RGS21: variants seen among roughly 807,000 people sequenced by gnomAD.
The protein encoded by RGS21 is regulator of G protein signaling 21.
A neutral mutation model predicts 18.7 loss-of-function variants in RGS21; 19 were observed. That is an observed-to-expected ratio of 1.01 (90% CI 0.71 to 1.49). The LOEUF (loss-of-function observed/expected upper bound fraction) is 1.49. Among genes scored for constraint, RGS21 ranks in the 40% most tolerant of loss-of-function variants. The probability of loss-of-function intolerance (pLI) is 0.00; values close to 1 mark genes in which losing one functional copy is unlikely to be tolerated. For missense variants in RGS21, 194 were observed against 176.8 expected, an observed-to-expected ratio of 1.10 and a Z score of -0.55; for synonymous variants, 56 against 57.8, an observed-to-expected ratio of 0.97 and a Z score of 0.14.
intron 1 of RGS21, among the ~76,000 whole-genome samples, chr1:192,333,092 G>A (rs1254903405): frequency 6.6e-6 from 1 of 152,026 alleles, no homozygotes. Flanking sequence ...AGCTGTTAGG[G>A]AATTAAAATT....
intron 4 of RGS21, among the ~76,000 whole-genome samples, chr1:192,356,649 TA>T (rs746377070): frequency 1.3e-5 from 2 of 151,778 alleles, no homozygotes; most frequent in Non-Finnish European, 3.0e-5. Flanking sequence ...AAGAAACAGA[TA>T]TATGAGTTGT....
chr1:192,344,687 C>A lies in RGS21; in HGVS notation c.11+1640C>A, dbSNP rs78090456. On this transcript the variant is annotated intron_variant, in intron 2 of 4. Transcript: ENST00000417209. ...ATTACTCCTTAAAATAGTTACACTTCACCTAATTTCTGAAAAGTAAATGCT... is the reference window on the plus strand; with the variant it reads ...ATTACTCCTTAAAATAGTTACACTTAACCTAATTTCTGAAAAGTAAATGCT... 3.5e-4 allele frequency among the ~76,000 whole-genome samples: 54 copies of A among 152,226 alleles called. No individual in the cohort carries two copies. In the East Asian group the frequency reaches 0.01, roughly 29 times the overall value.
chr1:192,362,921 A>G (rs1013624338), intron 4 of RGS21, among the ~76,000 whole-genome samples: 6 of 152,140 alleles, frequency 3.9e-5, no homozygotes, highest in Non-Finnish European at 8.8e-5. Context: ...CAAAATGTAA[A>G]TATCATCTTA....
intron 4 of RGS21, among the ~76,000 whole-genome samples, chr1:192,356,843 AGT>A (rs1459056115): frequency 6.6e-6 from 1 of 151,792 alleles, no homozygotes; most frequent in African/African-American, 2.4e-5. Context: ...GTTAGCCAAC[AGT>A]GCTCCCCCAA....
At chr1:192,354,981 A>G (rs545499946) in intron 4 of RGS21, among the ~76,000 whole-genome samples, 1 of 151,848 alleles carries the variant, frequency 6.6e-6, no homozygotes, top group South Asian at 2.1e-4. Flanking sequence ...GAAAGACTAT[A>G]TATTGAACTT....
rs572232632 is a variant in RGS21, at chr1:192,330,330, A to G, written c.-60-12647A>G. Among the ~76,000 whole-genome samples, 115 of 152,350 alleles carry G rather than the reference A, an allele frequency of 7.5e-4. 2 individuals are homozygous for G. Among genetic ancestry groups the G allele is most frequent in the African/African-American group, 2.6e-3 (107 of 41,600 alleles). On this transcript the variant is annotated intron_variant, in intron 1 of 4. Transcript: ENST00000417209. ...CAACTAAAGACGGTGAGGTTAAATCAATTCCAGAGGGAGTTTGAAATATGG... is the reference window on the plus strand; with the variant it reads ...CAACTAAAGACGGTGAGGTTAAATCGATTCCAGAGGGAGTTTGAAATATGG...
intron 2 of RGS21, among the ~76,000 whole-genome samples, chr1:192,346,549 T>A (rs565404196): frequency 1.3e-5 from 2 of 152,228 alleles, no homozygotes; most frequent in African/African-American, 4.8e-5. Context: ...TTCATCAGGA[T>A]CTTTGTTTAT....
chr1:192,321,869 T>A (rs1658502750), intron 1 of RGS21, among the ~76,000 whole-genome samples: 1 of 151,908 alleles, frequency 6.6e-6, no homozygotes, highest in African/African-American at 2.4e-5. Flanking sequence ...AATTGAAAAC[T>A]TTGACTAAAA....
chr1:192,346,520 T>C (rs1658946242), intron 2 of RGS21, among the ~76,000 whole-genome samples: 2 of 152,128 alleles, frequency 1.3e-5, no homozygotes, highest in African/African-American at 2.4e-5. Context: ...GCAGATGCTT[T>C]CTATGAATAG....
At chr1:192,337,929 A>G (rs1658797610) in intron 1 of RGS21, among the ~76,000 whole-genome samples, 1 of 152,160 alleles carries the variant, frequency 6.6e-6, no homozygotes, top group Non-Finnish European at 1.5e-5. Context: ...GAAATCTTGA[A>G]CTTCTAAATA....
chr1:192,360,241 A>G (rs1659169186), intron 4 of RGS21, among the ~76,000 whole-genome samples: 1 of 151,684 alleles, frequency 6.6e-6, no homozygotes, highest in South Asian at 2.1e-4. Flanking sequence ...GTTAATAACT[A>G]CTCTGTTCTT....
intron 3 of RGS21, among the ~76,000 whole-genome samples, chr1:192,347,662 A>AT (rs1279971399): frequency 6.6e-6 from 1 of 151,898 alleles, no homozygotes; most frequent in Admixed American, 6.6e-5. Context: ...ATTTTTTATT[A>AT]TTTTTTATTT....
intron 1 of RGS21, among the ~76,000 whole-genome samples, chr1:192,338,501 C>T (rs936215453): frequency 1.3e-5 from 2 of 152,052 alleles, no homozygotes; most frequent in Admixed American, 6.6e-5. Flanking sequence ...GGTGAACTGT[C>T]GTGCTCATCT....
At chr1:192,325,110 G>GATTT (rs955937138) in intron 1 of RGS21, among the ~76,000 whole-genome samples, 6 of 151,992 alleles carry the variant, frequency 3.9e-5, no homozygotes, top group Non-Finnish European at 7.4e-5. Context: ...GTGTACAAGT[G>GATTT]ATTTCATCAC....
At chr1:192,334,132 G>C (rs1342250008) in intron 1 of RGS21, among the ~76,000 whole-genome samples, 1 of 152,010 alleles carries the variant, frequency 6.6e-6, no homozygotes, top group Non-Finnish European at 1.5e-5. Context: ...TGCTAATCTA[G>C]GCTACGTTTC....
intron 4 of RGS21, among the ~76,000 whole-genome samples, chr1:192,356,362 T>C (rs1436281464): frequency 1.3e-5 from 2 of 151,806 alleles, no homozygotes; most frequent in Non-Finnish European, 3.0e-5. Context: ...TAACACAATG[T>C]GTTGCTGTGT....
intron 3 of RGS21, among the ~76,000 whole-genome samples, chr1:192,349,714 G>T (rs1034563181): frequency 6.6e-6 from 1 of 152,086 alleles, no homozygotes; most frequent in Non-Finnish European, 1.5e-5. Flanking sequence ...TGTTTATTTT[G>T]TTCCATTGGG....
chr1:192,332,250 A>T (rs1658668253), intron 1 of RGS21, among the ~76,000 whole-genome samples: 1 of 152,188 alleles, frequency 6.6e-6, no homozygotes, highest in Non-Finnish European at 1.5e-5. Flanking sequence ...ATATCTCATA[A>T]AACCAGTAAT....
chr1:192,325,967 A>G (rs754033281), intron 1 of RGS21, among the ~76,000 whole-genome samples: 36 of 152,102 alleles, frequency 2.4e-4, no homozygotes, highest in Non-Finnish European at 5.0e-4. Context: ...TGTATATGTT[A>G]ACTTGAAAAA....
Sources: allele counts gnomAD v4.1 joint callset (sites outside exome capture counted in the v4.1 genomes callset), GRCh38; gene constraint gnomAD v4.1.1; transcripts MANE v1.5; gene names NCBI Gene and HGNC (gene_info 2026-07-23, HGNC 2026-07-21).